The following COL5A1 variants were observed in gnomAD, a reference collection of about 807,000 sequenced individuals.
COL5A1 encodes collagen type V alpha 1 chain, also known as collagen alpha-1(V) chain.
COL5A1 carries 16 observed loss-of-function variants against 263.7 expected under a neutral mutation model. The ratio of observed to expected loss-of-function variants is 0.06; its 90% CI spans 0.04 to 0.09. The LOEUF (loss-of-function observed/expected upper bound fraction) is 0.09, where lower values mean the gene tolerates loss of function less well. Among genes scored for constraint, COL5A1 ranks in the 10% least tolerant of loss-of-function variants. The pLI is 1.00. For synonymous variants in COL5A1, 1,012 were observed against 1,004.5 expected, an observed-to-expected ratio of 1.01 and a Z score of -0.14; for missense variants, 2,036 against 2,540.5, an observed-to-expected ratio of 0.80 and a Z score of 4.27.
chr9:134,659,380 A>C (rs970236055), intron 1 of COL5A1, among the ~76,000 whole-genome samples: 1 of 152,192 alleles, frequency 6.6e-6, no homozygotes, highest in Non-Finnish European at 1.5e-5. Flanking sequence ...CAGAGACTCC[A>C]TCTCAAAACA....
chr9:134,760,436 C>CATACACACCCACGCACCCCCACACTCAT (rs1836329955), intron 18 of COL5A1, among the ~76,000 whole-genome samples: 3 of 115,428 alleles, frequency 2.6e-5, no homozygotes, highest in African/African-American at 1.1e-4. Flanking sequence ...ACCACACATG[C>CATACACACCCACGCACCCCCACACTCAT]ACACACATGC....
Position 134,708,402 on chromosome 9 carries a change from C to T in COL5A1, c.654+7069C>T, listed in dbSNP as rs1375058395. 7 of 390,578 alleles carry T rather than the reference C, an allele frequency of 1.8e-5. No homozygotes were observed. The East Asian group carries it at 2.5e-4, about 14-fold the overall frequency. 24.2% of individuals were successfully genotyped at this position (390,578 alleles called of 1,614,324 possible). A position where few individuals can be genotyped will look rare whatever the true frequency, so the allele number is the denominator to read the frequency against. On this transcript the variant is annotated intron_variant, in intron 4 of 65. Transcript: ENST00000371817. Reference sequence around the variant, plus strand: ...TGCCTGGCCAGTGCGCCTGCCATTGCGGCTCAGAGCAACTCCCGGGGTGGG... The same window carrying T: ...TGCCTGGCCAGTGCGCCTGCCATTGTGGCTCAGAGCAACTCCCGGGGTGGG...
chr9:134,793,390 G>GT (rs201583587), intron 32 of COL5A1, among the ~76,000 whole-genome samples: 1 of 151,676 alleles, frequency 6.6e-6, no homozygotes, highest in African/African-American at 2.4e-5. Flanking sequence ...AGGCTGGGGG[G>GT]GGCATTCTGT....
chr9:134,693,978 C>T (rs908121209), intron 2 of COL5A1, among the ~76,000 whole-genome samples: 25 of 152,326 alleles, frequency 1.6e-4, no homozygotes, highest in African/African-American at 5.3e-4. Flanking sequence ...TCTAGAGACC[C>T]GTACCTGCCT....
rs766208976 is a variant in COL5A1, at chr9:134,801,992, C to T, written c.2991C>T (p.Gly997=). ...AGACCGGCCCTCCAGGCCCCCCCGGCGTGGTCGGCCCTCAGGTAAGCTCCA... is the reference window on the plus strand; with the variant it reads ...AGACCGGCCCTCCAGGCCCCCCCGGTGTGGTCGGCCCTCAGGTAAGCTCCA... ...QGKTGPPGPP[G]VVGPQGPTGE... Residue 997 remains glycine (G), a synonymous_variant, in exon 38 of 66, where the codon GGC becomes GGT. Transcript: ENST00000371817. The T allele has an allele frequency of 2.0e-5, 33 of 1,613,264 alleles. No individual in the cohort carries two copies. In the Admixed American group the frequency reaches 2.2e-4, roughly 11 times the overall value.
In COL5A1 at chr9:134,716,443, C is replaced by G. The variant is rs1203039213; in HGVS notation, c.655-10823C>G. 6.6e-6 allele frequency among the ~76,000 whole-genome samples: 1 copy of G among 150,822 alleles called. No individual in the cohort carries two copies. Among genetic ancestry groups the G allele is most frequent in the Non-Finnish European group, 1.5e-5 (1 of 68,008 alleles). On this transcript the variant is annotated intron_variant, in intron 4 of 65. Coordinates refer to ENST00000371817, the MANE Select transcript of COL5A1 (RefSeq NM_000093.5). The surrounding 1 kb of genome is among the most constrained non-coding windows in gnomAD (Gnocchi z 4.5). Reference sequence around the variant, plus strand: ...TGCCATAAAACAGTGTCTGCAGGCCCGCTGCTCCGAAAGTCAAGATGTGGA... The same window carrying G: ...TGCCATAAAACAGTGTCTGCAGGCCGGCTGCTCCGAAAGTCAAGATGTGGA...
chr9:134,670,871 T>A (rs1287336883), intron 1 of COL5A1, among the ~76,000 whole-genome samples: 1 of 152,222 alleles, frequency 6.6e-6, no homozygotes, highest in Non-Finnish European at 1.5e-5. Context: ...GGGGTTCTGC[T>A]GACTTGCGGG....
In COL5A1 at chr9:134,765,760, T is replaced by TA. The variant is rs1297416906; in HGVS notation, c.2088+26_2088+27insA. On this transcript the variant is annotated intron_variant, in intron 21 of 65. Transcript: ENST00000371817. The surrounding 1 kb of genome is among the most constrained non-coding windows in gnomAD (Gnocchi z 5.1). ...GTAAGTCCCATTACCGCCCTGCTTG[T>TA]CTGCCCCCATCTCGGCCTTTGAGAC... is the stretch of plus-strand genomic sequence containing the variant. The TA allele has an allele frequency of 3.1e-6, 5 of 1,602,864 alleles. No individual in the cohort carries two copies. Among genetic ancestry groups the TA allele is most frequent in the Non-Finnish European group, 4.3e-6 (5 of 1,172,200 alleles).
chr9:134,758,564 C>T lies in COL5A1; in HGVS notation c.1935+268C>T, dbSNP rs1026154922. ...CAGATGGGCCTACCCACCTGAGGCG[C>T]GTGAAGGGGGCAGGGAAGGAGCCCT... On this transcript the variant is annotated intron_variant, in intron 18 of 65. Transcript: ENST00000371817. This position sits in a 1 kb window ranked among gnomAD's most constrained non-coding sequence, Gnocchi z 4.1. Among the ~76,000 whole-genome samples the T allele has an allele frequency of 2.6e-5, 4 of 152,088 alleles. No homozygotes were observed. Among genetic ancestry groups the T allele is most frequent in the South Asian group, 2.1e-4 (1 of 4,824 alleles).
intron 39 of COL5A1, among the ~76,000 whole-genome samples, chr9:134,803,906 A>G (rs1041028650): frequency 6.6e-6 from 1 of 152,116 alleles, no homozygotes; most frequent in African/African-American, 2.4e-5. Flanking sequence ...GTGAAAAGCA[A>G]ACGTGTTTTT....
rs776931824 is a variant in COL5A1, at chr9:134,730,473, A to G, written c.1162A>G (p.Asn388Asp). 3.7e-6 allele frequency: 6 copies of G among 1,613,742 alleles called. No homozygotes were observed. In the African/African-American group the frequency reaches 6.7e-5, roughly 18 times the overall value. The change falls in exon 7 of 66, where the codon AAT becomes GAT. Residue 388 changes from asparagine (N) to aspartate (D), a missense_variant and splice_region_variant. By Grantham distance (23) the Asn-to-Asp change is conservative. Coordinates refer to ENST00000371817, the MANE Select transcript of COL5A1 (RefSeq NM_000093.5). ...TSTADTSNSSNPAPPPGEGAD... is the reference protein window; with the variant it reads ...TSTADTSNSSDPAPPPGEGAD... ...CACCGCCGACACCTCCAACTCCTCC[A>G]ATGTAATTTCTTTCCTTCCCATTGG...
At chr9:134,828,906 A>T (rs1244169159) in intron 63 of COL5A1, among the ~76,000 whole-genome samples, 1 of 147,286 alleles carries the variant, frequency 6.8e-6, no homozygotes, top group East Asian at 1.9e-4. Context: ...CCACACACAC[A>T]GCATACACAG....
chr9:134,792,299 A>G (rs1837718761), intron 32 of COL5A1, among the ~76,000 whole-genome samples: 1 of 152,186 alleles, frequency 6.6e-6, no homozygotes, highest in African/African-American at 2.4e-5. Context: ...GTGGGGCAGG[A>G]ATGGGAAGGG....
At chr9:134,669,289 T>TC (rs1832465165) in intron 1 of COL5A1, among the ~76,000 whole-genome samples, 6 of 66,292 alleles carry the variant, frequency 9.1e-5, no homozygotes, top group African/African-American at 4.8e-4. Flanking sequence ...TCCCTTCCCT[T>TC]CCCTCCCCTC....
intron 11 of COL5A1, among the ~76,000 whole-genome samples, chr9:134,744,692 C>G (rs1274512769): frequency 6.6e-6 from 1 of 151,424 alleles, no homozygotes; most frequent in East Asian, 1.9e-4. Context: ...CACATGCATG[C>G]ACACACCCAT....
chr9:134,690,314 G>A (rs991618755), intron 1 of COL5A1, among the ~76,000 whole-genome samples: 55 of 33,798 alleles, frequency 1.6e-3, no homozygotes, highest in Non-Finnish European at 9.6e-3. Flanking sequence ...GATAATGACG[G>A]GGGGATAAAC....
chr9:134,747,825 T>C (rs1011728391), intron 11 of COL5A1, among the ~76,000 whole-genome samples: 1 of 55,982 alleles, frequency 1.8e-5, no homozygotes, highest in Non-Finnish European at 3.2e-5. Flanking sequence ...ACACATGCGT[T>C]CATACACATG....
intron 11 of COL5A1, among the ~76,000 whole-genome samples, chr9:134,743,373 A>G (rs886104684): frequency 3.3e-5 from 5 of 152,010 alleles, no homozygotes; most frequent in South Asian, 2.1e-4. Flanking sequence ...TTGACCAGCC[A>G]CTCATCTATT....
At position 134,682,948 on chromosome 9, in the gene COL5A1, G is replaced by C. The variant is rs544887541; in HGVS notation, c.110-7964G>C. Among the ~76,000 whole-genome samples the C allele has an allele frequency of 6.6e-6, 1 of 152,202 alleles. No homozygotes were observed. The highest frequency in any genetic ancestry group is 1.5e-5 in the Non-Finnish European group (1 of 68,012). Reference sequence around the variant, plus strand: ...CTTAAAGATATTGAACTTGTTTAGGGGAAAAAAAGGAATTAGAGAAAAAGA... The same window carrying C: ...CTTAAAGATATTGAACTTGTTTAGGCGAAAAAAAGGAATTAGAGAAAAAGA... On this transcript the variant is annotated intron_variant, in intron 1 of 65. Coordinates refer to ENST00000371817, the MANE Select transcript of COL5A1 (RefSeq NM_000093.5). The surrounding 1 kb of genome is among the most constrained non-coding windows in gnomAD (Gnocchi z 5.1).
Sources: allele counts gnomAD v4.1 joint callset (sites outside exome capture counted in the v4.1 genomes callset), GRCh38; gene constraint gnomAD v4.1.1; non-coding constraint Gnocchi (gnomAD v3.1); transcripts MANE v1.5; gene names NCBI Gene and HGNC (gene_info 2026-07-23, HGNC 2026-07-21).